The following IL16 variants were observed in gnomAD, a reference collection of about 807,000 sequenced individuals.
IL16 encodes the protein pro-interleukin-16.
A neutral mutation model predicts 110.1 loss-of-function variants in IL16; 67 were observed. That is an observed-to-expected ratio of 0.61 (90% CI 0.50 to 0.75). IL16 has a LOEUF of 0.75. Ranked by LOEUF, IL16 falls within the 30% of genes least tolerant of loss-of-function variation. IL16 has a pLI of 0.00. For missense variants in IL16, 1,545 were observed against 1,655.0 expected, an observed-to-expected ratio of 0.93 and a Z score of 1.15; for synonymous variants, 689 against 662.9, an observed-to-expected ratio of 1.04 and a Z score of -0.61.
At chr15:81,206,082 A>G (rs543970723) in intron 1 of IL16, among the ~76,000 whole-genome samples, 1 of 152,332 alleles carries the variant, frequency 6.6e-6, no homozygotes, top group African/African-American at 2.4e-5. Flanking sequence ...ATTTTTTCAG[A>G]TTAATTAGAC....
chr15:81,215,953 G>T (rs928655596), intron 1 of IL16, among the ~76,000 whole-genome samples: 3 of 152,218 alleles, frequency 2.0e-5, no homozygotes, highest in South Asian at 2.1e-4. Flanking sequence ...GGAGCAATGC[G>T]CTCAGGCTGG....
At chr15:81,240,610 C>T (rs573915312) in intron 2 of IL16, among the ~76,000 whole-genome samples, 8 of 152,096 alleles carry the variant, frequency 5.3e-5, no homozygotes, top group Non-Finnish European at 7.4e-5. Context: ...TTACTAATAA[C>T]GTTGTACGTA....
At position 81,296,575 on chromosome 15, in the gene IL16, G is replaced by A. The variant is rs185230920; in HGVS notation, c.1903-353G>A. On this transcript the variant is annotated intron_variant, in intron 12 of 18. Coordinates refer to ENST00000683961, the MANE Select transcript of IL16 (RefSeq NM_172217.5). ...TTTCTACGCTGCCCTATACCCTCCC[G>A]GGGTGGGTAGTTCACCAGATGCAGT... Among the ~76,000 whole-genome samples the A allele has an allele frequency of 6.6e-5, 10 of 152,242 alleles. No homozygotes were observed. The East Asian group carries it at 1.2e-3, about 18-fold the overall frequency.
At chr15:81,293,607 A>G (rs1253462569) in intron 12 of IL16, among the ~76,000 whole-genome samples, 1 of 152,212 alleles carries the variant, frequency 6.6e-6, no homozygotes, top group East Asian at 1.9e-4. Context: ...AGGCTGAGGC[A>G]GGGAATTGCT....
upstream of IL16, among the ~76,000 whole-genome samples, chr15:81,193,777 T>C (rs948095757): frequency 6.6e-6 from 1 of 152,074 alleles, no homozygotes; most frequent in African/African-American, 2.4e-5. Context: ...TGAGTCTCAG[T>C]GTTTGCATCC....
Position 81,262,750 on chromosome 15 carries a change from A to G in IL16, c.421+2870A>G, listed in dbSNP as rs188450560. 2.6e-3 allele frequency among the ~76,000 whole-genome samples: 399 copies of G among 152,242 alleles called. 2 individuals are homozygous for G. The highest frequency in any genetic ancestry group is 9.3e-3 in the African/African-American group (385 of 41,542). On this transcript the variant is annotated intron_variant, in intron 3 of 18. Transcript: ENST00000683961. ...AGTTCGAGACCAGCCTGACCAACATAGAGAAACCCTGTCTCTACTAAAAAT... is the reference window on the plus strand; with the variant it reads ...AGTTCGAGACCAGCCTGACCAACATGGAGAAACCCTGTCTCTACTAAAAAT...
intron 1 of IL16, among the ~76,000 whole-genome samples, chr15:81,216,267 C>T (rs188987407): frequency 3.3e-5 from 5 of 152,318 alleles, no homozygotes; most frequent in Admixed American, 6.5e-5. Flanking sequence ...CCTCCAGCTC[C>T]CACGTCCTTG....
chr15:81,301,581 G>A (rs1348412073), intron 15 of IL16, 69 bp downstream of exon 15: 2 of 1,431,710 alleles, frequency 1.4e-6, no homozygotes, highest in Non-Finnish European at 1.9e-6. Context: ...CCTTAGTTGG[G>A]CCAGAGGGGA....
chr15:81,268,225 G>C (rs1898477351), intron 4 of IL16, among the ~76,000 whole-genome samples: 1 of 152,242 alleles, frequency 6.6e-6, no homozygotes, highest in African/African-American at 2.4e-5. Context: ...GCCAACAAGA[G>C]AGAGGGTGAT....
intron 2 of IL16, among the ~76,000 whole-genome samples, chr15:81,247,787 T>C (rs990495222): frequency 2.0e-5 from 3 of 152,048 alleles, no homozygotes; most frequent in African/African-American, 7.3e-5. Context: ...ATCCTTAACC[T>C]CTAGCAGCAA....
At chr15:81,195,951 T>C (rs1251533722), upstream of IL16, among the ~76,000 whole-genome samples, 3 of 151,612 alleles carry the variant, frequency 2.0e-5, no homozygotes, top group African/African-American at 4.9e-5. Context: ...CATTCTTTTA[T>C]GCTGCAGTTT....
chr15:81,195,510 A>G (rs1399614664), upstream of IL16, among the ~76,000 whole-genome samples: 1 of 152,144 alleles, frequency 6.6e-6, no homozygotes. Flanking sequence ...CAGCCCTACA[A>G]TGTCCCCTGT....
At chr15:81,277,987 A>G (rs1898990482) in intron 6 of IL16, among the ~76,000 whole-genome samples, 1 of 152,168 alleles carries the variant, frequency 6.6e-6, no homozygotes. Flanking sequence ...TCCTACAAGT[A>G]TACTGTTGTG....
At chr15:81,285,588 A>T (rs1037415120) in intron 9 of IL16, 110 bp from the exon 10 acceptor site, 15 of 1,212,470 alleles carry the variant, frequency 1.2e-5, no homozygotes, top group Non-Finnish European at 1.7e-5. Flanking sequence ...TATTCATGTG[A>T]TTTTTATATC....
intron 16 of IL16, 94 bp from the exon 17 acceptor site, chr15:81,305,814 C>T: frequency 6.8e-7 from 1 of 1,473,672 alleles, no homozygotes; most frequent in Admixed American, 2.1e-5. Context: ...CCTAAAAATC[C>T]TCTAGCATTG....
intron 1 of IL16, among the ~76,000 whole-genome samples, chr15:81,187,622 C>G (rs576230208): frequency 6.6e-6 from 1 of 152,322 alleles, no homozygotes; most frequent in African/African-American, 2.4e-5. Flanking sequence ...CCATCATGAT[C>G]ACCCCATAAA....
At chr15:81,196,459 T>G (rs1008279645), upstream of IL16, among the ~76,000 whole-genome samples, 2 of 152,200 alleles carry the variant, frequency 1.3e-5, no homozygotes, top group Admixed American at 1.3e-4. Flanking sequence ...TGCCCGGGCT[T>G]GTCTTGAATC....
At chr15:81,183,049 G>T (rs1186598777) in intron 1 of IL16, among the ~76,000 whole-genome samples, 1 of 152,062 alleles carries the variant, frequency 6.6e-6, no homozygotes, top group Non-Finnish European at 1.5e-5. Flanking sequence ...ACGTGTGAGT[G>T]TGTGTGCACA....
chr15:81,283,536 C>G (rs1899291765), intron 9 of IL16, among the ~76,000 whole-genome samples: 1 of 152,162 alleles, frequency 6.6e-6, no homozygotes, highest in African/African-American at 2.4e-5. Context: ...TAACAAAATC[C>G]CCATGAATGT....
Sources: gnomAD v4.1 joint callset for allele counts (sites outside exome capture counted in the v4.1 genomes callset) on GRCh38, gnomAD v4.1.1 for gene constraint, MANE v1.5 for transcripts, NCBI Gene and HGNC (gene_info 2026-07-23, HGNC 2026-07-21) for gene names.